Variants in TNN observed in about 807,000 individuals in gnomAD.
TNN encodes the protein tenascin N, also known as tenascin-N.
In TNN, 122 loss-of-function variants were observed where a neutral mutation model predicts 134.4. That is an observed-to-expected ratio of 0.91 (90% CI 0.78 to 1.06). The LOEUF is 1.06. TNN is among the 50% of genes least tolerant of loss of function. The pLI is 0.00. For synonymous variants in TNN, 710 were observed against 670.3 expected (o/e 1.06, Z -0.91); for missense variants, 1,739 against 1,699.4 (o/e 1.02, Z -0.41).
intron 6 of TNN, among the ~76,000 whole-genome samples, chr1:175,092,075 C>T (rs192111043): frequency 1.2e-3 from 182 of 152,310 alleles, no homozygotes; most frequent in Non-Finnish European, 2.0e-3. Flanking sequence ...ATGAACTTCA[C>T]GAGCAGGACT....
intron 3 of TNN, 57 bp from the exon 4 acceptor site, chr1:175,080,106 G>C (rs1674163805): frequency 6.3e-7 from 1 of 1,594,680 alleles, no homozygotes; most frequent in African/African-American, 1.3e-5. Flanking sequence ...AATACTCACT[G>C]GGTCTGGATC....
At position 175,079,560 on chromosome 1, in the gene TNN, G is replaced by T; in HGVS notation, c.637G>T (p.Val213Leu). 3 of 1,575,904 alleles carry T rather than the reference G, an allele frequency of 1.9e-6. No individual in the cohort carries two copies. The highest frequency in any genetic ancestry group is 1.3e-5 in the African/African-American group (1 of 74,102). ...PENCSGHGEC[V>L]RGVCQCHEDF... ...GAACTGCAGCGGACACGGCGAGTGC[G>T]TGCGCGGCGTGTGCCAGTGCCACGA... Residue 213 changes from valine (V) to leucine (L), a missense_variant, in exon 3 of 19, where the codon GTG becomes TTG. Val to Leu is a conservative substitution (Grantham distance 32). Coordinates refer to ENST00000239462, the MANE Select transcript of TNN (RefSeq NM_022093.2).
intron 8 of TNN, 140 bp from the exon 9 acceptor site, chr1:175,098,192 A>G (rs1269175606): frequency 2.5e-6 from 3 of 1,212,072 alleles, no homozygotes; most frequent in Non-Finnish European, 2.3e-6. Flanking sequence ...TTCTCCTTAG[A>G]CTCCCAGCGG....
intron 13 of TNN, 114 bp from the exon 14 acceptor site, chr1:175,127,918 A>G: frequency 2.3e-6 from 3 of 1,304,610 alleles, no homozygotes; most frequent in Non-Finnish European, 2.2e-6. Flanking sequence ...GAGACAAAAC[A>G]CTGTGCTCTC....
intron 9 of TNN, among the ~76,000 whole-genome samples, chr1:175,114,857 G>T (rs1224556395): frequency 1.3e-5 from 2 of 152,102 alleles, no homozygotes; most frequent in African/African-American, 4.8e-5. Context: ...GTGAGGAATT[G>T]TGTAGTGGGG....
chr1:175,097,518 C>T lies in TNN; in HGVS notation c.1690C>T (p.Arg564Cys), dbSNP rs776425839. The T allele has an allele frequency of 2.4e-5, 39 of 1,614,034 alleles. No homozygotes were observed. The highest frequency in any genetic ancestry group is 1.6e-4 in the South Asian group (15 of 91,078). ...VQATIDKYVV[R>C]YTSADDQETR... The stretch of plus-strand genomic sequence containing the variant: ...GGCCACCATTGACAAGTACGTGGTG[C>T]GCTACACCTCTGCTGACGACCAAGA... The change falls in exon 8 of 19, where the codon CGC (arginine) becomes TGC (cysteine). Residue 564 changes from arginine (R) to cysteine (C), a missense_variant. By Grantham distance (180) the Arg-to-Cys change is radical (BLOSUM62 -3). Coordinates refer to ENST00000239462, the MANE Select transcript of TNN (RefSeq NM_022093.2).
rs1042775394 is a variant in TNN, at chr1:175,132,008, A to G, written c.3330+3262A>G. ...GGCACTGGGTTCACTGATAGGAGATAGAGACCAAATACCTTTGTAATGCAT... is the reference window on the plus strand; with the variant it reads ...GGCACTGGGTTCACTGATAGGAGATGGAGACCAAATACCTTTGTAATGCAT... On this transcript the variant is annotated intron_variant, in intron 15 of 18. Transcript: ENST00000239462. 9.2e-5 allele frequency among the ~76,000 whole-genome samples: 14 copies of G among 152,002 alleles called. No individual in the cohort carries two copies. In the East Asian group the frequency reaches 2.3e-3, roughly 25 times the overall value.
chr1:175,145,900 C>G (rs1312342626), intron 18 of TNN, among the ~76,000 whole-genome samples: 1 of 152,136 alleles, frequency 6.6e-6, no homozygotes, highest in African/African-American at 2.4e-5. Flanking sequence ...TAATCCTCTC[C>G]CCTCCACAAA....
chr1:175,117,244 TGCTAA>T (rs765342856), intron 10 of TNN, 39 bp downstream of exon 10: 2 of 1,600,368 alleles, frequency 1.2e-6, no homozygotes, highest in South Asian at 2.3e-5. Flanking sequence ...AGAGCTTTCA[TGCTAA>T]GTCAGTGGAT....
At chr1:175,104,647 C>G (rs940497008) in intron 9 of TNN, among the ~76,000 whole-genome samples, 1 of 145,246 alleles carries the variant, frequency 6.9e-6, no homozygotes, top group African/African-American at 2.5e-5. Flanking sequence ...CCTCTTGGTC[C>G]CTATTATAGA....
intron 6 of TNN, among the ~76,000 whole-genome samples, chr1:175,089,450 A>C (rs970062750): frequency 7.2e-5 from 11 of 152,210 alleles, no homozygotes; most frequent in Non-Finnish European, 1.2e-4. Flanking sequence ...AGCAGCAAGC[A>C]TACGCCAGGC....
intron 17 of TNN, among the ~76,000 whole-genome samples, chr1:175,143,512 T>C (rs1239513552): frequency 9.7e-6 from 1 of 103,410 alleles, no homozygotes; most frequent in African/African-American, 4.0e-5. Context: ...GGAGTGTTTG[T>C]GTGTAGGTGT....
At chr1:175,086,721 G>A (rs955762464) in intron 6 of TNN, among the ~76,000 whole-genome samples, 3 of 152,166 alleles carry the variant, frequency 2.0e-5, no homozygotes, top group African/African-American at 7.2e-5. Flanking sequence ...GTTATAGTTG[G>A]GCATTTATAA....
rs146244474 is a variant in TNN at position 175,113,614 on chromosome 1, G to A, written c.2120-3325G>A. On this transcript the variant is annotated intron_variant, in intron 9 of 18. Transcript: ENST00000239462. ...ATATTCATATCTCTCCCCAGACTTG[G>A]GACATTTTCAGCTATTATTTCATTA... Among the ~76,000 whole-genome samples the A allele has an allele frequency of 2.6e-3, 397 of 152,004 alleles. 3 individuals carry two copies. Among genetic ancestry groups the A allele is most frequent in the African/African-American group, 9.3e-3 (386 of 41,446 alleles).
intron 7 of TNN, among the ~76,000 whole-genome samples, chr1:175,096,232 C>T (rs546837112): frequency 1.5e-4 from 23 of 152,216 alleles, no homozygotes; most frequent in African/African-American, 3.1e-4. Context: ...CCTGGAAGGA[C>T]GGGTGGGAGT....
chr1:175,070,256 A>T (rs1241780744), intron 1 of TNN, among the ~76,000 whole-genome samples: 1 of 152,238 alleles, frequency 6.6e-6, no homozygotes, highest in Non-Finnish European at 1.5e-5. Flanking sequence ...TGCATAGAAA[A>T]TGGTAGCTAC....
At chr1:175,133,092 A>G (rs900825031) in intron 15 of TNN, among the ~76,000 whole-genome samples, 1 of 152,230 alleles carries the variant, frequency 6.6e-6, no homozygotes, top group African/African-American at 2.4e-5. Flanking sequence ...GCCTTTGGTT[A>G]GTGGGAATCA....
chr1:175,108,120 C>T (rs1022867336), intron 9 of TNN, among the ~76,000 whole-genome samples: 4 of 151,928 alleles, frequency 2.6e-5, no homozygotes, highest in Non-Finnish European at 1.5e-5. Context: ...TAAAGGTTCT[C>T]CACATCCTCA....
intron 15 of TNN, 74 bp downstream of exon 15, chr1:175,128,820 T>C: frequency 6.9e-7 from 1 of 1,443,428 alleles, no homozygotes; most frequent in Admixed American, 2.4e-5. Flanking sequence ...TCATGGATGC[T>C]CCATAGAGTG....
Sources: allele counts gnomAD v4.1 joint callset (sites outside exome capture counted in the v4.1 genomes callset), GRCh38; gene constraint gnomAD v4.1.1; transcripts MANE v1.5; gene names NCBI Gene and HGNC (gene_info 2026-07-23, HGNC 2026-07-21).